Variants in COL17A1 observed in about 807,000 individuals in gnomAD.
COL17A1 encodes collagen type XVII alpha 1 chain.
A neutral mutation model predicts 218.4 loss-of-function variants in COL17A1; 181 were observed. That is an observed-to-expected ratio of 0.83 (90% CI 0.73 to 0.94). The LOEUF (loss-of-function observed/expected upper bound fraction) is 0.94. Among genes scored for constraint, COL17A1 ranks in the 40% least tolerant of loss-of-function variants. COL17A1 has a pLI of 0.00. For missense variants in COL17A1, 1,924 were observed against 1,945.9 expected, an observed-to-expected ratio of 0.99 and a Z score of 0.21; for synonymous variants, 721 against 731.0, an observed-to-expected ratio of 0.99 and a Z score of 0.22.
chr10:104,049,170 T>C (rs998182629), intron 29 of COL17A1, among the ~76,000 whole-genome samples: 1 of 151,982 alleles, frequency 6.6e-6, no homozygotes, highest in East Asian at 1.9e-4. Context: ...AGCTCTTAGG[T>C]GAATGGACCA....
At chr10:104,083,712 T>A (rs2086784295) in intron 1 of COL17A1, among the ~76,000 whole-genome samples, 1 of 152,244 alleles carries the variant, frequency 6.6e-6, no homozygotes, top group South Asian at 2.1e-4. Flanking sequence ...TCACGTTAAC[T>A]GTTTACCATC....
intron 40 of COL17A1, 22 bp from the exon 41 acceptor site, chr10:104,040,021 CTA>C (rs2086342857): frequency 6.2e-7 from 1 of 1,613,836 alleles, no homozygotes; most frequent in East Asian, 2.2e-5. Context: ...AGGCAGAGAG[CTA>C]TGAGACAGGT....
Position 104,074,173 on chromosome 10 carries a change from A to G in COL17A1, c.379+11T>C. 1.2e-6 allele frequency: 2 copies of G among 1,614,206 alleles called. No individual in the cohort carries two copies. The highest frequency in any genetic ancestry group is 1.7e-6 in the Non-Finnish European group (2 of 1,180,018). On this transcript the variant is annotated intron_variant, in intron 6 of 55. Coordinates refer to ENST00000648076, the MANE Select transcript of COL17A1 (RefSeq NM_000494.4). ...TTGACCATTTCTTTAGAAAATAAGGAGAGGACATACCAAATTCCTTCCGAG... is the reference window on the plus strand; with the variant it reads ...TTGACCATTTCTTTAGAAAATAAGGGGAGGACATACCAAATTCCTTCCGAG...
chr10:104,034,458 T>A (rs1321172810), intron 51 of COL17A1, 124 bp from the exon 52 acceptor site: 2 of 1,475,076 alleles, frequency 1.4e-6, no homozygotes, highest in African/African-American at 1.4e-5. Context: ...TTCAGGGTTC[T>A]TGTACCCGAG....
intron 13 of COL17A1, 55 bp from the exon 14 acceptor site, chr10:104,060,335 G>C: frequency 6.2e-7 from 1 of 1,607,256 alleles, no homozygotes; most frequent in Non-Finnish European, 8.5e-7. Context: ...AGAAGGGAGA[G>C]GGGAGAAAAG....
Position 104,036,491 on chromosome 10 carries a change from C to G in COL17A1, c.3418+1G>C. 6.2e-7 allele frequency: 1 copy of G among 1,613,822 alleles called. No homozygotes were observed. Among genetic ancestry groups the G allele is most frequent in the Non-Finnish European group, 8.5e-7 (1 of 1,179,908 alleles). Reference sequence around the variant, plus strand: ...CAACCACCCCTCCTGCAGACACTTACTCGACATGTAGCTGAGAATGCGACT... The same window carrying G: ...CAACCACCCCTCCTGCAGACACTTAGTCGACATGTAGCTGAGAATGCGACT... On this transcript the variant is annotated splice_donor_variant, in intron 48 of 55. Transcript: ENST00000648076. LOFTEE classifies it high-confidence loss of function.
At chr10:104,050,692 C>T (rs369859827) in intron 26 of COL17A1, 36 bp from the exon 27 acceptor site, 59 of 1,614,006 alleles carry the variant, frequency 3.7e-5, no homozygotes, top group Non-Finnish European at 4.7e-5. Context: ...GTAAAATGCC[C>T]TACAAGGGAC....
At chr10:104,055,531 A>G in intron 18 of COL17A1, 130 bp from the exon 19 acceptor site, 1 of 1,434,520 alleles carries the variant, frequency 7.0e-7, no homozygotes, top group Non-Finnish European at 9.6e-7. Flanking sequence ...AAGACTAGAG[A>G]TCAGATTCTA....
At position 104,058,209 on chromosome 10, in the gene COL17A1, T is replaced by G. The variant is rs147830710; in HGVS notation, c.1223-19A>C. 4.4e-4 allele frequency: 717 copies of G among 1,614,168 alleles called. 1 individual carries two copies. The African/African-American group carries it at 8.5e-3, about 19-fold the overall frequency. On this transcript the variant is annotated intron_variant, in intron 15 of 55. Coordinates refer to ENST00000648076, the MANE Select transcript of COL17A1 (RefSeq NM_000494.4). ...AGGTCTCCTGAAAGGACAAACAGAT[T>G]GACCTGAGCTTTTAAACTGGAGGAG...
Position 104,051,530 on chromosome 10 carries a change from C to T in COL17A1, c.2003-14G>A. 1 of 1,613,976 alleles carries T rather than the reference C, an allele frequency of 6.2e-7. No individual in the cohort carries two copies. The highest frequency in any genetic ancestry group is 8.5e-7 in the Non-Finnish European group (1 of 1,180,010). On this transcript the variant is annotated splice_polypyrimidine_tract_variant and intron_variant, in intron 24 of 55. Transcript: ENST00000648076. ...AGCCGCTGGAACCTGAGAAGGAGGA[C>T]AAGACAGCAATCAGCAGAGGGGCAG...
At chr10:104,078,312 G>A (rs1431077307) in intron 3 of COL17A1, among the ~76,000 whole-genome samples, 1 of 152,152 alleles carries the variant, frequency 6.6e-6, no homozygotes, top group Non-Finnish European at 1.5e-5. Flanking sequence ...GTGGAGCCAT[G>A]GAAATCTTCT....
At position 104,043,807 on chromosome 10, in the gene COL17A1, C is replaced by T; in HGVS notation, c.2434+18G>A. On this transcript the variant is annotated intron_variant, in intron 34 of 55. Coordinates refer to ENST00000648076, the MANE Select transcript of COL17A1 (RefSeq NM_000494.4). ...TAAGAAAGACACAGAAAGGAGGGTC[C>T]CTCTAGGACCTGCCTACCCGAAGTC... 1 of 1,613,824 alleles carries T rather than the reference C, an allele frequency of 6.2e-7. No individual in the cohort carries two copies.
intron 1 of COL17A1, 33 bp from the exon 2 acceptor site, chr10:104,080,717 A>G: frequency 6.2e-7 from 1 of 1,606,748 alleles, no homozygotes; most frequent in Non-Finnish European, 8.5e-7. Flanking sequence ...TGATAGTCAT[A>G]CTTATCATTG....
chr10:104,059,817 G>T, intron 14 of COL17A1, 99 bp from the exon 15 acceptor site: 1 of 1,286,010 alleles, frequency 7.8e-7, no homozygotes, highest in Non-Finnish European at 1.1e-6. Flanking sequence ...TGCTTGGGAA[G>T]GTCTAGGTTA....
In COL17A1 at chr10:104,062,258, C is replaced by T; in HGVS notation, c.910G>A (p.Ala304Thr). The T allele has an allele frequency of 6.2e-7, 1 of 1,614,232 alleles. No individual in the cohort carries two copies. The highest frequency in any genetic ancestry group is 8.5e-7 in the Non-Finnish European group (1 of 1,180,036). The part of the protein sequence containing the change: ...LSHGTTTTST[A>T]YGVKKNMPQS... ...TAAGCTCCAACCCTAGCCTACTGAC[C>T]TGTGGAAGTGGTGGTGGTGCCATGG... Residue 304 changes from alanine (A) to threonine (T), a missense_variant and splice_region_variant, in exon 12 of 56, where the codon GCA becomes ACA. Physicochemically the swap from Ala to Thr is moderately conservative, Grantham distance 58. Transcript: ENST00000648076.
rs779794539 is a variant in COL17A1 at position 104,033,973 on chromosome 10, C to G, written c.4128G>C (p.Leu1376=). 1 of 1,614,206 alleles carries G rather than the reference C, an allele frequency of 6.2e-7. No individual in the cohort carries two copies. Among genetic ancestry groups the G allele is most frequent in the South Asian group, 1.1e-5 (1 of 91,092 alleles). The change falls in exon 52 of 56, where the codon CTG becomes CTC. Residue 1376 remains leucine (L), a synonymous_variant. Coordinates refer to ENST00000648076, the MANE Select transcript of COL17A1 (RefSeq NM_000494.4). ...GCATGCTCTCTGACACCCTCACAGC[C>G]AGCTCATTGTAATCCAGATCTCCAG... ...DFAGDLDYNE[L]AVRVSESMQR...
At position 104,063,757 on chromosome 10, in the gene COL17A1, T is replaced by C. The variant is rs1283607441; in HGVS notation, c.828A>G (p.Thr276=). ...CSPTLHPGLS[T]SSSVFGMQNN... ...GATGGTGACACTGACCTGAGGAGGATGTGCTGAGTCCAGGGTGCAAAGTGG... is the reference window on the plus strand; with the variant it reads ...GATGGTGACACTGACCTGAGGAGGACGTGCTGAGTCCAGGGTGCAAAGTGG... Residue 276 remains threonine (T), a synonymous_variant, in exon 11 of 56, where the codon ACA becomes ACG. Transcript: ENST00000648076. 3.7e-6 allele frequency: 6 copies of C among 1,614,056 alleles called. No individual in the cohort carries two copies. The highest frequency in any genetic ancestry group is 1.3e-5 in the African/African-American group (1 of 74,922).
At chr10:104,045,144 T>C (rs920178584) in intron 33 of COL17A1, among the ~76,000 whole-genome samples, 1 of 152,146 alleles carries the variant, frequency 6.6e-6, no homozygotes, top group East Asian at 1.9e-4. Context: ...TGAGGTCTGA[T>C]AGGCAGAACT....
chr10:104,032,578 C>G lies in COL17A1; in HGVS notation c.4438+96G>C, dbSNP rs1380550210. ...GAGTAATTGGCATTTGCCTGAATTT[C>G]TCAGGCTTGCTCTGGAACAAATCAC... On this transcript the variant is annotated intron_variant, in intron 55 of 55. Transcript: ENST00000648076. 4 of 1,340,672 alleles carry G rather than the reference C, an allele frequency of 3.0e-6. No individual in the cohort carries two copies. The African/African-American group carries it at 5.7e-5, about 19-fold the overall frequency. 83.0% of individuals were successfully genotyped at this position (1,340,672 alleles called of 1,614,324 possible).
Sources: allele counts gnomAD v4.1 joint callset (sites outside exome capture counted in the v4.1 genomes callset), GRCh38; gene constraint gnomAD v4.1.1; transcripts MANE v1.5; gene names NCBI Gene and HGNC (gene_info 2026-07-23, HGNC 2026-07-21).